PARD3B: variants seen among roughly 807,000 people sequenced by gnomAD.
PARD3B encodes partitioning defective 3 homolog B.
A neutral mutation model predicts 130.2 loss-of-function variants in PARD3B; 103 were observed. The ratio of observed to expected loss-of-function variants is 0.79; its 90% CI spans 0.67 to 0.93. The LOEUF is 0.93. Among genes scored for constraint, PARD3B ranks in the 40% least tolerant of loss-of-function variants. The pLI is 0.00. For missense variants in PARD3B, 1,609 were observed against 1,499.2 expected, an observed-to-expected ratio of 1.07 and a Z score of -1.21; for synonymous variants, 583 against 553.2, an observed-to-expected ratio of 1.05 and a Z score of -0.76.
intron 2 of PARD3B, among the ~76,000 whole-genome samples, chr2:204,868,823 C>T (rs577396247): frequency 3.3e-5 from 5 of 152,222 alleles, no homozygotes; most frequent in African/African-American, 4.8e-5. Flanking sequence ...TAAGTTGAGA[C>T]GATCTGTCTG....
chr2:204,843,391 TCTCTC>T (rs1016932292), intron 2 of PARD3B, among the ~76,000 whole-genome samples: 17 of 152,052 alleles, frequency 1.1e-4, no homozygotes, highest in African/African-American at 2.9e-4. Context: ...TCCTTCCTCT[TCTCTC>T]CTCTCCTCTC....
At chr2:205,574,421 G>C (rs1172056429) in intron 22 of PARD3B, among the ~76,000 whole-genome samples, 1 of 152,194 alleles carries the variant, frequency 6.6e-6, no homozygotes, top group Non-Finnish European at 1.5e-5. Context: ...TACGCCATCT[G>C]TGTGGCTATG....
intron 2 of PARD3B, among the ~76,000 whole-genome samples, chr2:204,788,082 T>C (rs1249560350): frequency 6.6e-6 from 1 of 152,228 alleles, no homozygotes; most frequent in Admixed American, 6.5e-5. Context: ...AATTATGTTT[T>C]GTAATGGTTA....
At chr2:205,601,546 C>T (rs1053839398) in intron 22 of PARD3B, among the ~76,000 whole-genome samples, 16 of 152,032 alleles carry the variant, frequency 1.1e-4, no homozygotes, top group African/African-American at 3.6e-4. Flanking sequence ...CAATTGCTTT[C>T]GATGTTTTCA....
chr2:205,290,761 T>C (rs1182926096), intron 16 of PARD3B, among the ~76,000 whole-genome samples: 1 of 152,276 alleles, frequency 6.6e-6, no homozygotes, highest in South Asian at 2.1e-4. Context: ...TACCACAATA[T>C]GATGGTATTA....
intron 22 of PARD3B, among the ~76,000 whole-genome samples, chr2:205,581,377 G>A (rs2053973477): frequency 9.2e-6 from 1 of 108,782 alleles, no homozygotes; most frequent in Non-Finnish European, 1.8e-5. Flanking sequence ...GTGTATGTAT[G>A]TATATATAAA....
At chr2:205,235,667 T>C (rs2039030612) in intron 15 of PARD3B, among the ~76,000 whole-genome samples, 2 of 152,156 alleles carry the variant, frequency 1.3e-5, no homozygotes, top group Non-Finnish European at 2.9e-5. Flanking sequence ...TTGAGTGCAA[T>C]GAAGCAAGAT....
At chr2:204,901,303 T>G (rs972503496) in intron 2 of PARD3B, among the ~76,000 whole-genome samples, 5 of 152,110 alleles carry the variant, frequency 3.3e-5, no homozygotes, top group Non-Finnish European at 7.4e-5. Flanking sequence ...GCACTGGTAC[T>G]GAAGCCACAA....
rs1455008298 is a variant in PARD3B at position 205,244,992 on chromosome 2, A to G, written c.2141-786A>G. The stretch of plus-strand genomic sequence containing the variant: ...TTAATTTTCTTACACACATATGATC[A>G]TCAGTATTCAACTACATATATGAGG... On this transcript the variant is annotated intron_variant, in intron 15 of 22. Coordinates refer to ENST00000406610, the MANE Select transcript of PARD3B (RefSeq NM_001302769.2). This position sits in a 1 kb window ranked among gnomAD's most constrained non-coding sequence, Gnocchi z 4.7. Among the ~76,000 whole-genome samples, 1 of 152,208 alleles carries G rather than the reference A, an allele frequency of 6.6e-6. No individual in the cohort carries two copies. The highest frequency in any genetic ancestry group is 6.5e-5 in the Admixed American group (1 of 15,278).
At chr2:204,801,917 C>T (rs922777946) in intron 2 of PARD3B, among the ~76,000 whole-genome samples, 6 of 152,030 alleles carry the variant, frequency 3.9e-5, no homozygotes, top group African/African-American at 4.8e-5. Context: ...TAGCATGAAG[C>T]AGTGTTGAAT....
intron 2 of PARD3B, among the ~76,000 whole-genome samples, chr2:204,817,033 T>C (rs1200703130): frequency 6.6e-6 from 1 of 152,154 alleles, no homozygotes; most frequent in Admixed American, 6.6e-5. Context: ...AGTGCATTTT[T>C]CATCCAACAC....
At position 204,713,739 on chromosome 2, in the gene PARD3B, C is replaced by T. The variant is rs184366967; in HGVS notation, c.222+27457C>T. Among the ~76,000 whole-genome samples, 595 of 152,110 alleles carry T rather than the reference C, an allele frequency of 3.9e-3. 11 individuals carry two copies. Among genetic ancestry groups the T allele is most frequent in the Non-Finnish European group, 4.2e-3 (283 of 67,958 alleles). ...TGTAGCATGTGCCAGGATTCTCCAC[C>T]CCCCTTTATATAAGGCTGAATAATA... is the stretch of plus-strand genomic sequence containing the variant. On this transcript the variant is annotated intron_variant, in intron 2 of 22. Transcript: ENST00000406610.
chr2:204,551,219 A>G (rs1249388988), intron 1 of PARD3B, among the ~76,000 whole-genome samples: 1 of 152,172 alleles, frequency 6.6e-6, no homozygotes, highest in Non-Finnish European at 1.5e-5. Flanking sequence ...AGTTGTCAGC[A>G]TTTAAATATT....
chr2:204,851,746 CT>C (rs890525348), intron 2 of PARD3B, among the ~76,000 whole-genome samples: 138 of 146,454 alleles, frequency 9.4e-4, no homozygotes, highest in African/African-American at 1.1e-3. Flanking sequence ...TTTGACAATC[CT>C]TTTTTTTTTT....
At chr2:204,757,420 A>G (rs913100693) in intron 2 of PARD3B, among the ~76,000 whole-genome samples, 1 of 152,094 alleles carries the variant, frequency 6.6e-6, no homozygotes, top group Non-Finnish European at 1.5e-5. Context: ...CCTTGCCAAC[A>G]TTCTTTTTGA....
At chr2:204,646,564 A>G (rs890711323) in intron 1 of PARD3B, among the ~76,000 whole-genome samples, 3 of 152,036 alleles carry the variant, frequency 2.0e-5, no homozygotes, top group Non-Finnish European at 4.4e-5. Context: ...ACCTGGGGCT[A>G]TTGTGAACAG....
chr2:205,181,314 G>A (rs965167662), intron 13 of PARD3B, among the ~76,000 whole-genome samples: 2 of 152,198 alleles, frequency 1.3e-5, no homozygotes, highest in Non-Finnish European at 2.9e-5. Context: ...ACTACGTCTG[G>A]AATGACTATC....
At chr2:204,703,650 G>A (rs567115235) in intron 2 of PARD3B, among the ~76,000 whole-genome samples, 13 of 152,162 alleles carry the variant, frequency 8.5e-5, no homozygotes, top group African/African-American at 2.6e-4. Flanking sequence ...TTCAGAACTC[G>A]TTAGCTTAAT....
At chr2:204,936,253 G>A (rs1024407770) in intron 2 of PARD3B, among the ~76,000 whole-genome samples, 21 of 152,236 alleles carry the variant, frequency 1.4e-4, no homozygotes, top group South Asian at 4.1e-4. Context: ...AGTCATCAGC[G>A]GAAACTTTGG....
Sources: allele counts gnomAD v4.1 joint callset (sites outside exome capture counted in the v4.1 genomes callset), GRCh38; gene constraint gnomAD v4.1.1; non-coding constraint Gnocchi (gnomAD v3.1); transcripts MANE v1.5; gene names NCBI Gene and HGNC (gene_info 2026-07-23, HGNC 2026-07-21).